The following OLA1 variants were observed in gnomAD, a reference collection of about 807,000 sequenced individuals.
The protein encoded by OLA1 is Obg like ATPase 1.
Under a neutral mutation model 48.4 loss-of-function variants are expected in OLA1, and 14 were observed. The observed-to-expected ratio is 0.29, with a 90% CI of 0.19 to 0.45. The LOEUF (loss-of-function observed/expected upper bound fraction) is 0.45. Among genes scored for constraint, OLA1 ranks in the 20% least tolerant of loss-of-function variants. OLA1 has a pLI of 1.00. For missense variants in OLA1, 325 were observed against 467.1 expected (o/e 0.70, Z 2.80); for synonymous variants, 127 against 150.4 (o/e 0.84, Z 1.14).
At chr2:174,232,911 T>C (rs1688764942) in intron 2 of OLA1, among the ~76,000 whole-genome samples, 1 of 152,188 alleles carries the variant, frequency 6.6e-6, no homozygotes, top group Admixed American at 6.5e-5. Flanking sequence ...TACAAACCCA[T>C]GTTCATTGAT....
chr2:174,179,091 G>GCT (rs1478327193), intron 4 of OLA1, among the ~76,000 whole-genome samples: 2 of 151,840 alleles, frequency 1.3e-5, no homozygotes, highest in Admixed American at 1.3e-4. Flanking sequence ...CAAAGATAAT[G>GCT]CTTAAGTTAA....
chr2:174,098,315 TAAAGA>T (rs1685307891), intron 7 of OLA1, among the ~76,000 whole-genome samples: 1 of 152,216 alleles, frequency 6.6e-6, no homozygotes, highest in African/African-American at 2.4e-5. Flanking sequence ...TATTCTTTCT[TAAAGA>T]AATGTTTATT....
At chr2:174,083,003 AC>A (rs1442768664) in intron 7 of OLA1, among the ~76,000 whole-genome samples, 1 of 152,090 alleles carries the variant, frequency 6.6e-6, no homozygotes, top group East Asian at 1.9e-4. Flanking sequence ...ATTGTAAGGA[AC>A]CTAGAAAAGC....
rs1005447225 is a variant in OLA1 at position 174,216,816 on chromosome 2, G to A, written c.373+6217C>T. ...TCCTCCCTCAGCCTCCAAATGCTGCGATTACAAGCCTGAGCCACCGCACCT... is the reference window on the plus strand; with the variant it reads ...TCCTCCCTCAGCCTCCAAATGCTGCAATTACAAGCCTGAGCCACCGCACCT... On this transcript the variant is annotated intron_variant, in intron 4 of 10. Coordinates refer to ENST00000284719, the MANE Select transcript of OLA1 (RefSeq NM_013341.5). Among the ~76,000 whole-genome samples the A allele has an allele frequency of 3.3e-5, 5 of 152,104 alleles. No homozygotes were observed. The South Asian group carries it at 8.3e-4, about 25-fold the overall frequency.
At position 174,229,447 on chromosome 2, in the gene OLA1, AT is replaced by A. The variant is rs1406341412; in HGVS notation, c.105del (p.Lys35AsnfsTer8). The A allele has an allele frequency of 6.2e-7, 1 of 1,605,888 alleles. No homozygotes were observed. The highest frequency in any genetic ancestry group is 8.5e-7 in the Non-Finnish European group (1 of 1,177,710). ...IGIVGLPNVG[K>X]STFFNVLTNS... ...TTGGTTAACACATTGAAGAAAGTAGATTTCCTAAAACAAATAAAAGCAATTT... is the reference window on the plus strand; with the variant it reads ...TTGGTTAACACATTGAAGAAAGTAGATTCCTAAAACAAATAAAAGCAATTT... On this transcript the variant is annotated frameshift_variant, in exon 3 of 11. Transcript: ENST00000284719. LOFTEE classifies it high-confidence loss of function.
At chr2:174,219,246 A>G (rs1270032525) in intron 4 of OLA1, among the ~76,000 whole-genome samples, 1 of 151,212 alleles carries the variant, frequency 6.6e-6, no homozygotes, top group Non-Finnish European at 1.5e-5. Context: ...GTTCAAGACC[A>G]GCCCGGATAA....
In OLA1 at chr2:174,105,451, T is replaced by C. The variant is rs1685492599; in HGVS notation, c.728+17729A>G. 2.0e-5 allele frequency among the ~76,000 whole-genome samples: 3 copies of C among 152,144 alleles called. No individual in the cohort carries two copies. In the South Asian group the frequency reaches 6.2e-4, roughly 32 times the overall value. ...CTAAATGAAAACAAATATAGTTTTT[T>C]CTTTAGATCTTATAGCAAACTAAAA... On this transcript the variant is annotated intron_variant, in intron 7 of 10. Transcript: ENST00000284719.
At chr2:174,144,854 G>C (rs989669145) in intron 4 of OLA1, among the ~76,000 whole-genome samples, 1 of 147,360 alleles carries the variant, frequency 6.8e-6, no homozygotes, top group Non-Finnish European at 1.5e-5. Flanking sequence ...GATCTGAGGT[G>C]GGAGACTGCT....
intron 7 of OLA1, among the ~76,000 whole-genome samples, chr2:174,100,242 T>C (rs1473460017): frequency 6.6e-6 from 1 of 152,224 alleles, no homozygotes; most frequent in Non-Finnish European, 1.5e-5. Context: ...ATTAAATATT[T>C]ACTATGTGTC....
chr2:174,219,150 T>G (rs1242656741), intron 4 of OLA1, among the ~76,000 whole-genome samples: 1 of 151,882 alleles, frequency 6.6e-6, no homozygotes, highest in Non-Finnish European at 1.5e-5. Flanking sequence ...AAAGAAGCTT[T>G]ACACATTACT....
intron 6 of OLA1, 135 bp downstream of exon 6, chr2:174,123,460 G>A: frequency 3.2e-6 from 2 of 627,836 alleles, no homozygotes; most frequent in Non-Finnish European, 5.4e-6. Context: ...AAAATAACAA[G>A]CCCAGGAATA....
chr2:174,123,322 A>T (rs549365052), intron 6 of OLA1, 45 bp from the exon 7 acceptor site: 1 of 873,654 alleles, frequency 1.1e-6, no homozygotes, highest in South Asian at 1.7e-5. Context: ...AAGTTTAGTA[A>T]ATATGGAGTA....
chr2:174,116,857 T>C (rs1685796332), intron 7 of OLA1, among the ~76,000 whole-genome samples: 1 of 152,192 alleles, frequency 6.6e-6, no homozygotes, highest in Non-Finnish European at 1.5e-5. Flanking sequence ...GACTGAGATA[T>C]ATGAAATCAC....
chr2:174,077,245 C>T (rs530577990), intron 10 of OLA1, among the ~76,000 whole-genome samples: 1 of 152,226 alleles, frequency 6.6e-6, no homozygotes, highest in African/African-American at 2.4e-5. Flanking sequence ...ACTACAAAGC[C>T]CACACAGAGC....
intron 4 of OLA1, among the ~76,000 whole-genome samples, chr2:174,193,608 TG>T (rs1453402685): frequency 6.6e-6 from 1 of 152,194 alleles, no homozygotes; most frequent in East Asian, 1.9e-4. Flanking sequence ...GGCACTGGGC[TG>T]GGTTTGAAGT....
At chr2:174,209,785 A>T (rs2105439769) in intron 4 of OLA1, among the ~76,000 whole-genome samples, 1 of 152,344 alleles carries the variant, frequency 6.6e-6, no homozygotes, top group African/African-American at 2.4e-5. Context: ...AAATTGATGT[A>T]ATTATAAAAT....
At chr2:174,121,226 G>A (rs1172556222) in intron 7 of OLA1, among the ~76,000 whole-genome samples, 2 of 152,148 alleles carry the variant, frequency 1.3e-5, no homozygotes, top group African/African-American at 2.4e-5. Flanking sequence ...CAGAGTGGCT[G>A]AATGAAAGGA....
intron 4 of OLA1, among the ~76,000 whole-genome samples, chr2:174,144,951 AATAT>A (rs71021672): frequency 0.15 from 5,965 of 39,738 alleles, 734 homozygotes; most frequent in Admixed American, 0.24. Flanking sequence ...AAAAAAAAAA[AATAT>A]ATATATATAT....
Position 174,073,464 on chromosome 2 carries a change from C to T in OLA1, c.*1962G>A, listed in dbSNP as rs1216480603. ...TATATGTAACAGTTCTTGGAATTCT[C>T]GACTTTCAGAGAAAATGAAATTTTG... On this transcript the variant is annotated 3_prime_UTR_variant, in exon 11 of 11. Coordinates refer to ENST00000284719, the MANE Select transcript of OLA1 (RefSeq NM_013341.5). 2 of 152,146 alleles carry T rather than the reference C, an allele frequency of 1.3e-5. No individual in the cohort carries two copies. Among genetic ancestry groups the T allele is most frequent in the Non-Finnish European group, 2.9e-5 (2 of 68,036 alleles). 9.4% of individuals were successfully genotyped at this position (152,146 alleles called of 1,614,324 possible).
Sources: gnomAD v4.1 joint callset for allele counts (sites outside exome capture counted in the v4.1 genomes callset) on GRCh38, gnomAD v4.1.1 for gene constraint, MANE v1.5 for transcripts, NCBI Gene and HGNC (gene_info 2026-07-23, HGNC 2026-07-21) for gene names.